Variants in OPCML observed in about 807,000 individuals in gnomAD.
OPCML encodes opioid binding protein/cell adhesion molecule like.
OPCML carries 13 observed loss-of-function variants against 37.8 expected under a neutral mutation model. The observed-to-expected ratio is 0.34, with a 90% CI of 0.22 to 0.55. The LOEUF is 0.55. Ranked by LOEUF, OPCML falls within the 20% of genes least tolerant of loss-of-function variation. The pLI is 0.91. For synonymous variants in OPCML, 176 were observed against 168.8 expected (o/e 1.04, Z -0.33); for missense variants, 341 against 435.6 (o/e 0.78, Z 1.93).
At chr11:132,794,878 A>G (rs2136188698) in intron 2 of OPCML, among the ~76,000 whole-genome samples, 1 of 148,610 alleles carries the variant, frequency 6.7e-6, no homozygotes, top group African/African-American at 2.5e-5. Context: ...CAACCTAACA[A>G]AAACATGAAA....
At position 132,419,619 on chromosome 11, in the gene OPCML, T is replaced by C. The variant is rs913972890; in HGVS notation, c.*574A>G. On this transcript the variant is annotated 3_prime_UTR_variant, in exon 8 of 8. Coordinates refer to ENST00000524381, the MANE Select transcript of OPCML (RefSeq NM_001012393.5). Reference sequence around the variant, plus strand: ...ACAGAAGATGGCACAATCATCTATATTGAAATCTATAGATATGGATATAGT... The same window carrying C: ...ACAGAAGATGGCACAATCATCTATACTGAAATCTATAGATATGGATATAGT... The C allele has an allele frequency of 1.3e-5, 2 of 152,274 alleles. No individual in the cohort carries two copies. Among genetic ancestry groups the C allele is most frequent in the Admixed American group, 6.5e-5 (1 of 15,286 alleles). The allele number at this position is 152,274 out of a possible 1,614,324, so 9.4% of individuals were successfully genotyped here.
intron 2 of OPCML, among the ~76,000 whole-genome samples, chr11:132,686,862 A>C (rs1048513952): frequency 3.9e-5 from 6 of 152,052 alleles, no homozygotes; most frequent in Non-Finnish European, 8.8e-5. Flanking sequence ...CAGTGTAAAC[A>C]CTCCTTCTTG....
chr11:132,704,922 G>A (rs1416081318), intron 2 of OPCML, among the ~76,000 whole-genome samples: 1 of 152,200 alleles, frequency 6.6e-6, no homozygotes, highest in Non-Finnish European at 1.5e-5. Flanking sequence ...TAACATCAGT[G>A]GAAGTTAATG....
At chr11:132,545,652 A>C (rs1225295251) in intron 3 of OPCML, among the ~76,000 whole-genome samples, 3 of 152,200 alleles carry the variant, frequency 2.0e-5, no homozygotes, top group African/African-American at 7.2e-5. Flanking sequence ...TCCAATGTGT[A>C]CTTAGGTAAA....
chr11:133,278,764 C>T (rs988422865), intron 1 of OPCML, among the ~76,000 whole-genome samples: 1 of 152,092 alleles, frequency 6.6e-6, no homozygotes, highest in Non-Finnish European at 1.5e-5. Flanking sequence ...TGTCAGCCAC[C>T]TACTCAATTG....
At chr11:132,653,473 A>C (rs114761447) in intron 3 of OPCML, among the ~76,000 whole-genome samples, 1,630 of 152,220 alleles carry the variant, frequency 0.011, 29 homozygotes, top group African/African-American at 0.035. Context: ...ACAGCTGAGC[A>C]TCCCCCTTGC....
intron 1 of OPCML, among the ~76,000 whole-genome samples, chr11:133,167,828 C>A (rs143860600): frequency 2.5e-4 from 38 of 152,212 alleles, no homozygotes; most frequent in African/African-American, 8.7e-4. Context: ...TCAATCTATA[C>A]CACCCACCCA....
At chr11:133,277,546 A>G (rs1199982493) in intron 1 of OPCML, among the ~76,000 whole-genome samples, 1 of 152,172 alleles carries the variant, frequency 6.6e-6, no homozygotes, top group African/African-American at 2.4e-5. Flanking sequence ...CTGAGCCTGG[A>G]CAATGGCCTC....
chr11:133,308,052 A>G (rs1219692214), intron 1 of OPCML, among the ~76,000 whole-genome samples: 1 of 152,198 alleles, frequency 6.6e-6, no homozygotes, highest in Non-Finnish European at 1.5e-5. Context: ...CTTTATATGC[A>G]ATACCAAACA....
intron 1 of OPCML, among the ~76,000 whole-genome samples, chr11:133,311,598 G>A (rs1555137389): frequency 7.3e-6 from 1 of 137,778 alleles, no homozygotes; most frequent in African/African-American, 2.6e-5. Context: ...TCTAAAAAAT[G>A]TATGATTCAG....
chr11:133,011,336 T>G (rs1055702868), intron 1 of OPCML, among the ~76,000 whole-genome samples: 2 of 152,142 alleles, frequency 1.3e-5, no homozygotes, highest in African/African-American at 4.8e-5. Flanking sequence ...TGAGGGCCAG[T>G]GTGAGAGAAG....
intron 1 of OPCML, among the ~76,000 whole-genome samples, chr11:133,499,808 G>GTATA (rs545945903): frequency 1.4e-4 from 19 of 133,054 alleles, no homozygotes; most frequent in Non-Finnish European, 2.3e-4. Context: ...ATATGTGTGT[G>GTATA]TATATATATA....
intron 2 of OPCML, among the ~76,000 whole-genome samples, chr11:132,730,434 G>T (rs1323664126): frequency 6.6e-6 from 1 of 152,134 alleles, no homozygotes; most frequent in Non-Finnish European, 1.5e-5. Flanking sequence ...ATGAAGAATA[G>T]CGGGTGTGGG....
intron 1 of OPCML, among the ~76,000 whole-genome samples, chr11:133,096,849 T>A (rs1000449677): frequency 3.3e-5 from 5 of 152,026 alleles, no homozygotes; most frequent in Non-Finnish European, 5.9e-5. Flanking sequence ...GACACAGCAA[T>A]CTTTACTGTG....
At chr11:133,011,451 A>G (rs1263655403) in intron 1 of OPCML, among the ~76,000 whole-genome samples, 1 of 152,142 alleles carries the variant, frequency 6.6e-6, no homozygotes, top group Non-Finnish European at 1.5e-5. Context: ...AGATAATTGG[A>G]GTCAATGACC....
At chr11:132,948,734 T>C (rs550989298) in intron 1 of OPCML, among the ~76,000 whole-genome samples, 2 of 152,292 alleles carry the variant, frequency 1.3e-5, no homozygotes, top group African/African-American at 4.8e-5. Flanking sequence ...TTTCACCAAA[T>C]TACTTGGCAC....
chr11:132,526,682 A>G (rs908816124), intron 4 of OPCML, among the ~76,000 whole-genome samples: 2 of 152,210 alleles, frequency 1.3e-5, no homozygotes, highest in African/African-American at 4.8e-5. Context: ...AATGTTCCAA[A>G]TTAAGAAAAA....
At chr11:133,316,884 T>TA (rs1185278839) in intron 1 of OPCML, among the ~76,000 whole-genome samples, 3 of 152,206 alleles carry the variant, frequency 2.0e-5, no homozygotes, top group African/African-American at 7.2e-5. Flanking sequence ...GTTTCATGAT[T>TA]ACATTTCACT....
At chr11:133,008,424 T>C (rs1159321992) in intron 1 of OPCML, 1 of 985,240 alleles carries the variant, frequency 1.0e-6, no homozygotes, top group Non-Finnish European at 1.2e-6. Flanking sequence ...CTTTTCTGAT[T>C]TTTTTCTTTT....
Sources: gnomAD v4.1 joint callset for allele counts (sites outside exome capture counted in the v4.1 genomes callset) on GRCh38, gnomAD v4.1.1 for gene constraint, MANE v1.5 for transcripts, NCBI Gene and HGNC (gene_info 2026-07-23, HGNC 2026-07-21) for gene names.